MOCS1: variants seen among roughly 807,000 people sequenced by gnomAD.
MOCS1 encodes the protein molybdenum cofactor biosynthesis protein 1.
MOCS1 carries 39 observed loss-of-function variants against 57.6 expected under a neutral mutation model. The observed-to-expected ratio is 0.68, with a 90% CI of 0.52 to 0.88. The LOEUF (loss-of-function observed/expected upper bound fraction) is 0.88, where lower values mean the gene tolerates loss of function less well. Ranked by LOEUF, MOCS1 falls within the 40% of genes least tolerant of loss-of-function variation. MOCS1 has a pLI of 0.00. For synonymous variants in MOCS1, 334 were observed against 335.7 expected, an observed-to-expected ratio of 1.00 and a Z score of 0.05; for missense variants, 795 against 831.1, an observed-to-expected ratio of 0.96 and a Z score of 0.53.
intron 1 of MOCS1, among the ~76,000 whole-genome samples, chr6:39,929,271 G>A (rs1339448142): frequency 6.6e-6 from 1 of 152,128 alleles, no homozygotes; most frequent in Non-Finnish European, 1.5e-5. Flanking sequence ...CCTCCCTGCG[G>A]TATGATGGAG....
At chr6:39,915,863 G>A (rs184207467) in intron 4 of MOCS1, among the ~76,000 whole-genome samples, 1 of 152,260 alleles carries the variant, frequency 6.6e-6, no homozygotes, top group East Asian at 1.9e-4. Flanking sequence ...TGGGGAGGTT[G>A]GTCACCCTAG....
intron 2 of MOCS1, among the ~76,000 whole-genome samples, chr6:39,926,163 G>C (rs137968973): frequency 2.0e-5 from 3 of 152,172 alleles, no homozygotes; most frequent in African/African-American, 7.2e-5. Flanking sequence ...TGACTTCCTG[G>C]GCTGAGGGCA....
chr6:39,905,819 TCAGGACAGGA>T lies in MOCS1; in HGVS notation c.*528_*537del, dbSNP rs138907488. The T allele has an allele frequency of 3.8e-5, 18 of 469,172 alleles. No individual in the cohort carries two copies. Among genetic ancestry groups the T allele is most frequent in the Non-Finnish European group, 6.6e-5 (15 of 226,832 alleles). 29.1% of individuals were successfully genotyped at this position (469,172 alleles called of 1,614,324 possible). On this transcript the variant is annotated 3_prime_UTR_variant, in exon 11 of 11. Coordinates refer to ENST00000340692, the MANE Select transcript of MOCS1 (RefSeq NM_001358530.2). ...GACTTGGGCAGAAGGAGAGATGAAGTCAGGACAGGACAGGACAGGGCAGGGCTGCGGCTTC... is the reference window on the plus strand; with the variant it reads ...GACTTGGGCAGAAGGAGAGATGAAGTCAGGACAGGGCAGGGCTGCGGCTTC...
chr6:39,921,364 A>T (rs1298031141), intron 3 of MOCS1, among the ~76,000 whole-genome samples: 1 of 151,772 alleles, frequency 6.6e-6, no homozygotes, highest in African/African-American at 2.4e-5. Flanking sequence ...GCACCACTGC[A>T]CTCCAGCCTG....
Position 39,925,728 on chromosome 6 carries a change from C to T in MOCS1, c.368G>A (p.Arg123Gln), listed in dbSNP as rs567945725. 3.4e-5 allele frequency: 55 copies of T among 1,612,828 alleles called. No individual in the cohort carries two copies. The highest frequency in any genetic ancestry group is 2.0e-4 in the South Asian group (18 of 91,086). Reference sequence around the variant, plus strand: ...GATAAGCGGCTCTCCACCTGTGAGCCGGATCTTGTCGATGCCTTCCTTCAC... The same window carrying T: ...GATAAGCGGCTCTCCACCTGTGAGCTGGATCTTGTCGATGCCTTCCTTCAC... ...LFVKEGIDKI[R>Q]LTGGEPLIRP... The change falls in exon 3 of 11, where the codon CGG becomes CAG. Residue 123 changes from arginine (R) to glutamine (Q), a missense_variant. Transcript: ENST00000340692.
Position 39,906,214 on chromosome 6 carries a change from A to T in MOCS1, c.*143T>A. 1 of 994,354 alleles carries T rather than the reference A, an allele frequency of 1.0e-6. No individual in the cohort carries two copies. The highest frequency in any genetic ancestry group is 1.6e-6 in the Non-Finnish European group (1 of 628,258). 61.6% of individuals were successfully genotyped at this position (994,354 alleles called of 1,614,324 possible). The stretch of plus-strand genomic sequence containing the variant: ...TCATCTAGCAGCAGGCCTGTTTGTT[A>T]GTAGTAGAGCAGGCTGACTTCGGGT... On this transcript the variant is annotated 3_prime_UTR_variant, in exon 11 of 11. Coordinates refer to ENST00000340692, the MANE Select transcript of MOCS1 (RefSeq NM_001358530.2).
At position 39,905,954 on chromosome 6, in the gene MOCS1, A is replaced by C; in HGVS notation, c.*403T>G. ...TCAAAGTGGGCTCCTCTGCTTAATG[A>C]GCGCTTAATCTCTCCCCAGGAAAGC... On this transcript the variant is annotated 3_prime_UTR_variant, in exon 11 of 11. Coordinates refer to ENST00000340692, the MANE Select transcript of MOCS1 (RefSeq NM_001358530.2). 1 of 461,542 alleles carries C rather than the reference A, an allele frequency of 2.2e-6. No homozygotes were observed. The highest frequency in any genetic ancestry group is 1.6e-5 in the South Asian group (1 of 64,120). The allele number at this position is 461,542 out of a possible 1,614,324, so 28.6% of individuals were successfully genotyped here.
chr6:39,908,085 G>A (rs1162875878), intron 10 of MOCS1, among the ~76,000 whole-genome samples: 2 of 152,240 alleles, frequency 1.3e-5, no homozygotes, highest in African/African-American at 2.4e-5. Context: ...GGACTTGGAT[G>A]CTGGGGGTGG....
Position 39,916,178 on chromosome 6 carries a change from A to G in MOCS1, c.473T>C (p.Ile158Thr). The G allele has an allele frequency of 1.9e-6, 3 of 1,614,038 alleles. No homozygotes were observed. The highest frequency in any genetic ancestry group is 1.3e-5 in the African/African-American group (1 of 75,030). ...CTGGGGCAGTAGCCGGGCCAGGTTG[A>G]TGCCATTGGTGGTAACACCTATGGT... ...LRTIGVTTNGINLARLLPQLQ... is the reference protein window; with the variant it reads ...LRTIGVTTNGTNLARLLPQLQ... The change falls in exon 4 of 11, where the codon ATC becomes ACC. Residue 158 changes from isoleucine to threonine, a missense_variant. Transcript: ENST00000340692.
rs527245888 is a variant in MOCS1, at chr6:39,934,440, G to A, written c.-23C>T. 50 of 1,561,578 alleles carry A rather than the reference G, an allele frequency of 3.2e-5. No individual in the cohort carries two copies. In the African/African-American group the frequency reaches 5.4e-4, roughly 17 times the overall value. On this transcript the variant is annotated 5_prime_UTR_variant, in exon 1 of 11. Coordinates refer to ENST00000340692, the MANE Select transcript of MOCS1 (RefSeq NM_001358530.2). Reference sequence around the variant, plus strand: ...CATGAAGCCTGATACGAGCGGAACCGCAGCCCGCTTCGGGAGCACACTGGC... The same window carrying A: ...CATGAAGCCTGATACGAGCGGAACCACAGCCCGCTTCGGGAGCACACTGGC...
Position 39,906,656 on chromosome 6 carries a change from G to C in MOCS1, c.1612C>G (p.Leu538Val), listed in dbSNP as rs1488887513. The change falls in exon 11 of 11, where the codon CTG becomes GTG. Residue 538 changes from leucine (L) to valine (V), a missense_variant. By Grantham distance (32) the Leu-to-Val change is conservative. Coordinates refer to ENST00000340692, the MANE Select transcript of MOCS1 (RefSeq NM_001358530.2). ...ACCTTGGCTGCCTGGACTCCAGCCA[G>C]CTGGGCCACCACTAGGGCATCTCCT... ...KKGDALVVAQ[L>V]AGVQAAKVTS... 1.2e-6 allele frequency: 2 copies of C among 1,613,924 alleles called. No individual in the cohort carries two copies. The highest frequency in any genetic ancestry group is 1.7e-6 in the Non-Finnish European group (2 of 1,180,048).
At chr6:39,908,508 G>C (rs1767095681) in intron 10 of MOCS1, among the ~76,000 whole-genome samples, 1 of 152,192 alleles carries the variant, frequency 6.6e-6, no homozygotes, top group Non-Finnish European at 1.5e-5. Context: ...AGATGTTCCT[G>C]AGAGTTAAGG....
intron 1 of MOCS1, among the ~76,000 whole-genome samples, chr6:39,933,279 T>C (rs537669173): frequency 6.6e-6 from 1 of 152,318 alleles, no homozygotes; most frequent in Admixed American, 6.5e-5. Context: ...TCTTGAATTC[T>C]TTAAAGATCT....
chr6:39,907,033 G>T lies in MOCS1; in HGVS notation c.1235C>A (p.Pro412His). The T allele has an allele frequency of 6.2e-7, 1 of 1,613,398 alleles. No individual in the cohort carries two copies. Among genetic ancestry groups the T allele is most frequent in the Non-Finnish European group, 8.5e-7 (1 of 1,179,460 alleles). ...WDPLHVQGLR[P>H]RMSFSSQVAT... ...CACCTGGCTGGAGAAACTCATTCTG[G>T]GTCTTAGACCCTGAACATGGAGCGG... Residue 412 changes from proline (P) to histidine (H), a missense_variant, in exon 11 of 11, where the codon CCC becomes CAC. Pro to His is a moderately conservative substitution (Grantham distance 77). Coordinates refer to ENST00000340692, the MANE Select transcript of MOCS1 (RefSeq NM_001358530.2).
At position 39,934,411 on chromosome 6, in the gene MOCS1, C is replaced by T. The variant is rs371890945; in HGVS notation, c.7G>A (p.Ala3Thr). Residue 3 changes from alanine (A) to threonine (T), a missense_variant, in exon 1 of 11, where the codon GCG becomes ACG. Ala to Thr is a moderately conservative substitution (Grantham distance 58, BLOSUM62 0). Coordinates refer to ENST00000340692, the MANE Select transcript of MOCS1 (RefSeq NM_001358530.2). The part of the protein sequence containing the change: MA[A>T]RPLSRMLRRL... ...CGCAGCATCCGGGACAGTGGCCGCG[C>T]CGCCATGAAGCCTGATACGAGCGGA... is the stretch of plus-strand genomic sequence containing the variant. 5 of 1,567,264 alleles carry T rather than the reference C, an allele frequency of 3.2e-6. No homozygotes were observed. Among genetic ancestry groups the T allele is most frequent in the African/African-American group, 2.7e-5 (2 of 74,230 alleles).
At chr6:39,918,034 G>C (rs1427115251) in intron 3 of MOCS1, among the ~76,000 whole-genome samples, 3 of 152,224 alleles carry the variant, frequency 2.0e-5, no homozygotes, top group Non-Finnish European at 4.4e-5. Context: ...GTAGTTATCT[G>C]TGATCAATAG....
Position 39,905,963 on chromosome 6 carries a change from T to G in MOCS1, c.*394A>C, listed in dbSNP as rs1766884212. On this transcript the variant is annotated 3_prime_UTR_variant, in exon 11 of 11. Coordinates refer to ENST00000340692, the MANE Select transcript of MOCS1 (RefSeq NM_001358530.2). ...GCTCCTCTGCTTAATGAGCGCTTAA[T>G]CTCTCCCCAGGAAAGCAGGAGAAGA... 1 of 462,512 alleles carries G rather than the reference T, an allele frequency of 2.2e-6. No individual in the cohort carries two copies. The highest frequency in any genetic ancestry group is 4.3e-6 in the Non-Finnish European group (1 of 230,950). The allele number at this position is 462,512 out of a possible 1,614,324, so 28.7% of individuals were successfully genotyped here. A position where few individuals can be genotyped will look rare whatever the true frequency, so the allele number is the denominator to read the frequency against.
intron 1 of MOCS1, among the ~76,000 whole-genome samples, chr6:39,933,689 A>T (rs1768759849): frequency 6.6e-6 from 1 of 152,148 alleles, no homozygotes; most frequent in African/African-American, 2.4e-5. Context: ...CCAAAACCCT[A>T]AAGACAGAGG....
At position 39,916,379 on chromosome 6, in the gene MOCS1, A is replaced by C. The variant is rs548094185; in HGVS notation, c.419-147T>G. 86 of 948,822 alleles carry C rather than the reference A, an allele frequency of 9.1e-5. No homozygotes were observed. In the African/African-American group the frequency reaches 1.4e-3, roughly 15 times the overall value. 58.8% of individuals were successfully genotyped at this position (948,822 alleles called of 1,614,324 possible). ...CTATATTAACCAGGCCTAACTTAAAAAGAAAGCTAAGAATCAAAACTGACA... is the reference window on the plus strand; with the variant it reads ...CTATATTAACCAGGCCTAACTTAAACAGAAAGCTAAGAATCAAAACTGACA... On this transcript the variant is annotated intron_variant, in intron 3 of 10. Transcript: ENST00000340692.
Sources: allele counts gnomAD v4.1 joint callset (sites outside exome capture counted in the v4.1 genomes callset), GRCh38; gene constraint gnomAD v4.1.1; transcripts MANE v1.5; gene names NCBI Gene and HGNC (gene_info 2026-07-23, HGNC 2026-07-21).